The following CARM1 variants were observed in gnomAD, a reference collection of about 807,000 sequenced individuals.
CARM1 encodes the protein histone-arginine methyltransferase CARM1.
Under a neutral mutation model 72.7 loss-of-function variants are expected in CARM1, and 14 were observed. The observed-to-expected ratio is 0.19, with a 90% confidence interval of 0.13 to 0.30. The LOEUF (loss-of-function observed/expected upper bound fraction) is 0.30, where lower values mean the gene tolerates loss of function less well. Ranked by LOEUF, CARM1 falls within the 10% of genes least tolerant of loss-of-function variation. The pLI is 1.00. For synonymous variants in CARM1, 333 were observed against 345.5 expected (o/e 0.96, Z 0.40); for missense variants, 432 against 833.7 (o/e 0.52, Z 5.93).
chr19:10,873,934 C>T (rs1036211704), intron 1 of CARM1, among the ~76,000 whole-genome samples: 1 of 151,878 alleles, frequency 6.6e-6, no homozygotes, highest in African/African-American at 2.4e-5. Context: ...CCACCCCGCC[C>T]GGCCAGAACA....
chr19:10,920,375 A>AGTAT lies in CARM1; in HGVS notation c.1197-60_1197-59insTATG. The stretch of plus-strand genomic sequence containing the variant: ...GCTTGGGGAGGACTCAAGGCATACA[A>AGTAT]GGTGGTGGCTCCAGTGGTGGCGCCG... On this transcript the variant is annotated intron_variant, in intron 10 of 15. Transcript: ENST00000327064. The surrounding 1 kb of genome is among the most constrained non-coding windows in gnomAD (Gnocchi z 5.3). The AGTAT allele has an allele frequency of 6.4e-7, 1 of 1,568,134 alleles. No homozygotes were observed. Among genetic ancestry groups the AGTAT allele is most frequent in the Admixed American group, 1.8e-5 (1 of 56,850 alleles).
intron 1 of CARM1, among the ~76,000 whole-genome samples, chr19:10,879,373 T>C (rs923720160): frequency 3.3e-5 from 5 of 152,198 alleles, no homozygotes; most frequent in African/African-American, 1.2e-4. Flanking sequence ...TGAGCGGCCA[T>C]GTGCTCAGCT....
At chr19:10,909,634 G>A (rs1056659536) in intron 4 of CARM1, among the ~76,000 whole-genome samples, 1 of 152,066 alleles carries the variant, frequency 6.6e-6, no homozygotes, top group African/African-American at 2.4e-5. Flanking sequence ...CTACTCAGGA[G>A]GCTGAGGCAG....
intron 1 of CARM1, among the ~76,000 whole-genome samples, chr19:10,900,093 A>G (rs2145214408): frequency 6.6e-6 from 1 of 152,148 alleles, no homozygotes; most frequent in Admixed American, 6.5e-5. Flanking sequence ...GGATCACTTG[A>G]GCCCCAGGAG....
chr19:10,909,746 A>ACAAG (rs2074133300), intron 4 of CARM1, among the ~76,000 whole-genome samples: 1 of 151,848 alleles, frequency 6.6e-6, no homozygotes, highest in Non-Finnish European at 1.5e-5. Flanking sequence ...CAAAAAACAA[A>ACAAG]CAAACAAACA....
intron 1 of CARM1, among the ~76,000 whole-genome samples, chr19:10,897,145 C>T (rs946900335): frequency 2.6e-5 from 4 of 152,160 alleles, no homozygotes; most frequent in African/African-American, 4.8e-5. Context: ...TTGGGTGGTG[C>T]ATTGGTGAGG....
At chr19:10,906,254 G>A (rs886873743) in intron 2 of CARM1, among the ~76,000 whole-genome samples, 18 of 152,076 alleles carry the variant, frequency 1.2e-4, no homozygotes, top group African/African-American at 3.6e-4. Flanking sequence ...GCACCCGGCC[G>A]TTCCCACTCT....
Position 10,873,570 on chromosome 19 carries a change from CAG to C in CARM1, c.220+1651_220+1652del, listed in dbSNP as rs542741344. Among the ~76,000 whole-genome samples the C allele has an allele frequency of 3.3e-3, 455 of 137,192 alleles. 1 individual carries two copies. Among genetic ancestry groups the C allele is most frequent in the African/African-American group, 0.012 (412 of 35,802 alleles). The allele number at this position is 137,192 out of a possible 152,430, so 90.0% of individuals were successfully genotyped here. A position where few individuals can be genotyped will look rare whatever the true frequency, so the allele number is the denominator to read the frequency against. On this transcript the variant is annotated intron_variant, in intron 1 of 15. Coordinates refer to ENST00000327064, the MANE Select transcript of CARM1 (RefSeq NM_199141.2). ...TGCCATTGCACTCCAGCCGGGGAGA[CAG>C]AGTGAGACTCCATCTCAAAAAAAAA...
At position 10,921,055 on chromosome 19, in the gene CARM1, C is replaced by T. The variant is rs1033672481; in HGVS notation, c.1543C>T (p.Pro515Ser). 3 of 1,614,102 alleles carry T rather than the reference C, an allele frequency of 1.9e-6. No homozygotes were observed. Among genetic ancestry groups the T allele is most frequent in the Non-Finnish European group, 2.5e-6 (3 of 1,179,918 alleles). The part of the protein sequence containing the change: ...LSSGMAVAGM[P>S]TAYDLSSVIA... ...GTCTCCCTCTCTGGACACAGGGATG[C>T]CGACCGCCTATGACTTGAGCAGTGT... The change falls in exon 14 of 16, where the codon CCG becomes TCG. Residue 515 changes from proline (P) to serine (S), a missense_variant. This residue lies in a region of CARM1 where 142 missense variants were observed against 188.7 expected (regional missense o/e 0.75). Transcript: ENST00000327064.
rs565073272 is a variant in CARM1, at chr19:10,909,755, C to CA, written c.558+556dup. Among the ~76,000 whole-genome samples the CA allele has an allele frequency of 2.2e-4, 34 of 151,408 alleles. No homozygotes were observed. In the South Asian group the frequency reaches 5.9e-3, roughly 26 times the overall value. ...CCATCTCAAAAAACAAACAAACAAACAAAAAAAACAAAAAGCAAGAAAAAC... is the reference window on the plus strand; with the variant it reads ...CCATCTCAAAAAACAAACAAACAAACAAAAAAAAACAAAAAGCAAGAAAAAC... On this transcript the variant is annotated intron_variant, in intron 4 of 15. Coordinates refer to ENST00000327064, the MANE Select transcript of CARM1 (RefSeq NM_199141.2).
chr19:10,918,586 AG>A (rs2074216322), intron 8 of CARM1, among the ~76,000 whole-genome samples: 1 of 152,098 alleles, frequency 6.6e-6, no homozygotes, highest in South Asian at 2.1e-4. Context: ...CCTCGCTCAA[AG>A]CTCAGGAGTT....
In CARM1 at chr19:10,916,519, C is replaced by G; in HGVS notation, c.938+22C>G. On this transcript the variant is annotated intron_variant, in intron 7 of 15. Transcript: ENST00000327064. The surrounding 1 kb of genome is among the most constrained non-coding windows in gnomAD (Gnocchi z 4.4). ...TCTGGTGAGTGTGCCCTGGGTGTCC[C>G]GCCTGGGCCCCACAGCCTGCCTTCT... The G allele has an allele frequency of 6.4e-7, 1 of 1,566,954 alleles. No individual in the cohort carries two copies. Among genetic ancestry groups the G allele is most frequent in the Non-Finnish European group, 8.8e-7 (1 of 1,137,692 alleles).
Position 10,871,880 on chromosome 19 carries a change from G to C in CARM1, c.178G>C (p.Val60Leu). The C allele has an allele frequency of 8.0e-7, 1 of 1,257,090 alleles. No individual in the cohort carries two copies. The highest frequency in any genetic ancestry group is 1.0e-6 in the Non-Finnish European group (1 of 996,606). 77.9% of individuals were successfully genotyped at this position (1,257,090 alleles called of 1,614,324 possible). Residue 60 changes from valine (V) to leucine (L), a missense_variant, in exon 1 of 16, where the codon GTG becomes CTG. Val to Leu is a conservative substitution (Grantham distance 32). Transcript: ENST00000327064. This position sits in a 1 kb window ranked among gnomAD's most constrained non-coding sequence, Gnocchi z 5.6. ...GGAGCAGCAGGCGCTGCGCCTCGAG[G>C]TGCGCGCCGGCCCGGACTCGGCGGG... ...HAEQQALRLE[V>L]RAGPDSAGIA...
intron 2 of CARM1, 66 bp downstream of exon 2, chr19:10,905,142 G>A: frequency 6.3e-7 from 1 of 1,579,382 alleles, no homozygotes; most frequent in South Asian, 1.1e-5. Flanking sequence ...GTGGGCAGGG[G>A]CGTAGAGCCT....
chr19:10,901,364 G>T (rs2074063881), intron 1 of CARM1, among the ~76,000 whole-genome samples: 1 of 151,818 alleles, frequency 6.6e-6, no homozygotes, highest in Non-Finnish European at 1.5e-5. Context: ...CTGGAGTGCA[G>T]TGGCTGTTCA....
At chr19:10,901,680 G>A (rs1187946272) in intron 1 of CARM1, among the ~76,000 whole-genome samples, 1 of 151,930 alleles carries the variant, frequency 6.6e-6, no homozygotes, top group East Asian at 1.9e-4. Flanking sequence ...AGTGGCTCAT[G>A]CCTGTAATCC....
rs190173294 is a variant in CARM1 at position 10,920,631 on chromosome 19, C to A, written c.1335-28C>A. The A allele has an allele frequency of 4.3e-4, 691 of 1,614,064 alleles. 3 individuals carry two copies. The highest frequency in any genetic ancestry group is 2.1e-3 in the Admixed American group (129 of 60,014). ...GCAGGGGTCCATCTGCCCAGCAGCTCATGCCACGGCCTGCACCCTGTCCGC... is the reference window on the plus strand; with the variant it reads ...GCAGGGGTCCATCTGCCCAGCAGCTAATGCCACGGCCTGCACCCTGTCCGC... On this transcript the variant is annotated intron_variant, in intron 11 of 15. Transcript: ENST00000327064. The surrounding 1 kb of genome is among the most constrained non-coding windows in gnomAD (Gnocchi z 5.3).
intron 1 of CARM1, among the ~76,000 whole-genome samples, chr19:10,897,673 C>T (rs1310521055): frequency 6.6e-6 from 1 of 152,182 alleles, no homozygotes; most frequent in Non-Finnish European, 1.5e-5. Context: ...AGTCCCTTTC[C>T]TTTTACTGCA....
chr19:10,920,044 T>C lies in CARM1; in HGVS notation c.1196+78T>C. On this transcript the variant is annotated intron_variant, in intron 10 of 15. Coordinates refer to ENST00000327064, the MANE Select transcript of CARM1 (RefSeq NM_199141.2). The surrounding 1 kb of genome is among the most constrained non-coding windows in gnomAD (Gnocchi z 5.3). The stretch of plus-strand genomic sequence containing the variant: ...TGCAGCTGCAACCTGGCTGGGGGGG[T>C]GGAACATGGCTCCAGGTTCCACCAT... 4 of 1,119,412 alleles carry C rather than the reference T, an allele frequency of 3.6e-6. No individual in the cohort carries two copies. The highest frequency in any genetic ancestry group is 5.4e-6 in the Non-Finnish European group (4 of 744,618). The allele number at this position is 1,119,412 out of a possible 1,614,324, so 69.3% of individuals were successfully genotyped here.
Sources: allele counts gnomAD v4.1 joint callset (sites outside exome capture counted in the v4.1 genomes callset), GRCh38; gene constraint gnomAD v4.1.1; regional missense constraint gnomAD v4.1.1; non-coding constraint Gnocchi (gnomAD v3.1); transcripts MANE v1.5; gene names NCBI Gene and HGNC (gene_info 2026-07-23, HGNC 2026-07-21).